Variants in HMCN2 observed in about 807,000 individuals in gnomAD.
The protein encoded by HMCN2 is hemicentin 2, also known as hemicentin-2.
A neutral mutation model predicts 377.5 loss-of-function variants in HMCN2; 325 were observed. The observed-to-expected ratio is 0.86, with a 90% CI of 0.79 to 0.94. The LOEUF (loss-of-function observed/expected upper bound fraction) is 0.94. Among genes scored for constraint, HMCN2 ranks in the 40% least tolerant of loss-of-function variants. HMCN2 has a pLI of 0.00. For missense variants in HMCN2, 4,543 were observed against 4,725.3 expected (o/e 0.96, Z 1.13); for synonymous variants, 2,007 against 2,046.8 (o/e 0.98, Z 0.53).
chr9:130,395,951 C>G lies in HMCN2; in HGVS notation c.10939C>G (p.Arg3647Gly). Residue 3647 changes from arginine to glycine, a missense_variant, in exon 72 of 98, where the codon CGG becomes GGG. Coordinates refer to ENST00000683500, the MANE Select transcript of HMCN2 (RefSeq NM_001291815.2). Reference protein sequence around the residue: ...QEDAHTQFPERGRFLQLQALS... With the variant: ...QEDAHTQFPEGGRFLQLQALS... ...GGACGCCCACACACAATTCCCGGAG[C>G]GGGGCAGGTTCCTCCAGCTGCAGGC... 1 of 1,287,470 alleles carries G rather than the reference C, an allele frequency of 7.8e-7. No homozygotes were observed. Among genetic ancestry groups the G allele is most frequent in the African/African-American group, 1.5e-5 (1 of 65,898 alleles). The allele number at this position is 1,287,470 out of a possible 1,614,324, so 79.8% of individuals were successfully genotyped here.
chr9:130,284,151 T>G (rs1554926718), intron 1 of HMCN2, among the ~76,000 whole-genome samples: 2 of 152,130 alleles, frequency 1.3e-5, no homozygotes, highest in Admixed American at 1.3e-4. Flanking sequence ...TTCTGGAAGG[T>G]TTTTCTTTTG....
rs1836763520 is a variant in HMCN2 at position 130,304,937 on chromosome 9, G to A, written c.1751G>A (p.Arg584Lys). ...ISGIIPTDGG[R>K]YQCVASNANG... ...GGCATCATCCCCACAGACGGCGGGAGGTACCAGTGTGTGGCCAGCAATGCC... is the reference window on the plus strand; with the variant it reads ...GGCATCATCCCCACAGACGGCGGGAAGTACCAGTGTGTGGCCAGCAATGCC... The change falls in exon 11 of 98, where the codon AGG becomes AAG. Residue 584 changes from arginine to lysine, a missense_variant. Physicochemically the swap from Arg to Lys is conservative, Grantham distance 26. Around this residue, in one of 5 missense-constraint regions of HMCN2, gnomAD observed 547 missense variants for 189.9 expected, o/e 2.88. Coordinates refer to ENST00000683500, the MANE Select transcript of HMCN2 (RefSeq NM_001291815.2). The surrounding 1 kb of genome is among the most constrained non-coding windows in gnomAD (Gnocchi z 4.3). The A allele has an allele frequency of 2.1e-6, 1 of 471,036 alleles. No homozygotes were observed. Among genetic ancestry groups the A allele is most frequent in the Admixed American group, 2.3e-5 (1 of 42,566 alleles). The allele number at this position is 471,036 out of a possible 1,614,324, so 29.2% of individuals were successfully genotyped here.
intron 25 of HMCN2, among the ~76,000 whole-genome samples, chr9:130,346,334 C>T (rs946235779): frequency 5.3e-5 from 8 of 152,150 alleles, no homozygotes; most frequent in East Asian, 1.9e-4. Flanking sequence ...CCTTGGGGCC[C>T]GTGAATGAAA....
intron 76 of HMCN2, 139 bp downstream of exon 76, chr9:130,399,771 A>G (rs1014207252): frequency 8.1e-6 from 4 of 492,432 alleles, no homozygotes; most frequent in Non-Finnish European, 1.2e-5. Context: ...AAGGTCTCTC[A>G]GATCCTGCTG....
chr9:130,371,335 T>C (rs956459658), intron 46 of HMCN2, among the ~76,000 whole-genome samples: 7 of 151,702 alleles, frequency 4.6e-5, no homozygotes, highest in African/African-American at 1.7e-4. Context: ...TTAGATAAAT[T>C]TGGAAAAGGC....
At chr9:130,279,336 C>G (rs1364266927) in intron 1 of HMCN2, among the ~76,000 whole-genome samples, 1 of 152,094 alleles carries the variant, frequency 6.6e-6, no homozygotes, top group Non-Finnish European at 1.5e-5. Flanking sequence ...GTCTTCAGAT[C>G]TCTTCCTCCT....
chr9:130,409,053 C>T, intron 84 of HMCN2, 120 bp downstream of exon 84: 1 of 576,504 alleles, frequency 1.7e-6, no homozygotes, highest in East Asian at 7.4e-5. Flanking sequence ...AAGCACCTCC[C>T]TGCCCATTCC....
Position 130,418,808 on chromosome 9 carries a change from C to T in HMCN2, c.12998C>T (p.Thr4333Ile), listed in dbSNP as rs1403778911. 4 of 1,500,108 alleles carry T rather than the reference C, an allele frequency of 2.7e-6. No individual in the cohort carries two copies. The highest frequency in any genetic ancestry group is 5.0e-5 in the East Asian group (2 of 40,034). The allele number at this position is 1,500,108 out of a possible 1,614,324, so 92.9% of individuals were successfully genotyped here. The change falls in exon 86 of 98, where the codon ACA (threonine) becomes ATA (isoleucine). Residue 4333 changes from threonine (T) to isoleucine (I), a missense_variant. Coordinates refer to ENST00000683500, the MANE Select transcript of HMCN2 (RefSeq NM_001291815.2). ...PVFQVEPQDM[T>I]VRSGDDVALR... ...TTCCAGGTGGAGCCCCAGGACATGA[C>T]AGTGAGATCTGGGGATGACGTGGCC... is the stretch of plus-strand genomic sequence containing the variant.
At chr9:130,300,041 A>G (rs1215193751) in intron 8 of HMCN2, among the ~76,000 whole-genome samples, 1 of 151,450 alleles carries the variant, frequency 6.6e-6, no homozygotes, top group Non-Finnish European at 1.5e-5. Flanking sequence ...CCACTCACCC[A>G]TTCATGCATC....
intron 85 of HMCN2, among the ~76,000 whole-genome samples, chr9:130,415,718 G>A (rs927265711): frequency 1.3e-5 from 2 of 152,210 alleles, no homozygotes; most frequent in Non-Finnish European, 2.9e-5. Context: ...CCCCTGCACA[G>A]GTGCATATTT....
At chr9:130,424,116 G>C (rs1224270600) in intron 87 of HMCN2, among the ~76,000 whole-genome samples, 4 of 150,586 alleles carry the variant, frequency 2.7e-5, no homozygotes. Flanking sequence ...CAGTAGCTAG[G>C]ACTATAGGTG....
chr9:130,340,213 G>T (rs1454321522), intron 23 of HMCN2, among the ~76,000 whole-genome samples: 1 of 152,264 alleles, frequency 6.6e-6, no homozygotes, highest in East Asian at 1.9e-4. Flanking sequence ...ACAGCCAGGG[G>T]GAGGGAAGGA....
chr9:130,338,128 C>G (rs910909898), intron 23 of HMCN2, 107 bp downstream of exon 23: 1 of 153,194 alleles, frequency 6.5e-6, no homozygotes, highest in African/African-American at 2.4e-5. Flanking sequence ...CTGTCAGGCT[C>G]TGTCACCTCT....
chr9:130,313,661 C>T (rs1488798437), intron 15 of HMCN2, among the ~76,000 whole-genome samples: 9 of 151,426 alleles, frequency 5.9e-5, no homozygotes, highest in Admixed American at 6.6e-5. Flanking sequence ...TGAGGTGGGG[C>T]GACTCGTCAC....
At chr9:130,429,052 A>C in intron 93 of HMCN2, 1 of 179,882 alleles carries the variant, frequency 5.6e-6, no homozygotes, top group South Asian at 1.2e-4. Flanking sequence ...AGCCTGACCC[A>C]AGGGGATCAG....
intron 2 of HMCN2, among the ~76,000 whole-genome samples, chr9:130,284,893 A>T (rs1057069407): frequency 1.3e-5 from 2 of 152,148 alleles, no homozygotes; most frequent in East Asian, 3.8e-4. Flanking sequence ...TTATTGGTGT[A>T]GTGACTGCCC....
rs751832364 is a variant in HMCN2 at position 130,398,573 on chromosome 9, C to G, written c.11349C>G (p.Ser3783Arg). Residue 3783 changes from serine to arginine, a missense_variant, in exon 75 of 98, where the codon AGC becomes AGG. By Grantham distance (110) the Ser-to-Arg change is moderately radical. This residue lies in a region of HMCN2 where 1,073 missense variants were observed against 1,319.5 expected (regional missense o/e 0.81). Coordinates refer to ENST00000683500, the MANE Select transcript of HMCN2 (RefSeq NM_001291815.2). ...RVLEPPAIAP[S>R]PSNLTLTAHT... ...CAGAGCCTCCAGCCATCGCCCCCAG[C>G]CCCTCCAACCTGACCCTGACCGCCC... is the stretch of plus-strand genomic sequence containing the variant. The G allele has an allele frequency of 7.9e-7, 1 of 1,263,538 alleles. No homozygotes were observed. The highest frequency in any genetic ancestry group is 5.7e-5 in the East Asian group (1 of 17,536). 78.3% of individuals were successfully genotyped at this position (1,263,538 alleles called of 1,614,324 possible).
chr9:130,405,062 G>A lies in HMCN2; in HGVS notation c.12339+3G>A. On this transcript the variant is annotated splice_donor_region_variant and intron_variant, in intron 81 of 97. Coordinates refer to ENST00000683500, the MANE Select transcript of HMCN2 (RefSeq NM_001291815.2). The stretch of plus-strand genomic sequence containing the variant: ...AGTTGCTGGTGAAGAACTTGGAGGT[G>A]AGGCACTGCCCCAAGGGGCACAGCA... 1 of 1,282,740 alleles carries A rather than the reference G, an allele frequency of 7.8e-7. No individual in the cohort carries two copies. Among genetic ancestry groups the A allele is most frequent in the Non-Finnish European group, 1.0e-6 (1 of 985,626 alleles). The allele number at this position is 1,282,740 out of a possible 1,614,324, so 79.5% of individuals were successfully genotyped here.
chr9:130,427,328 GCT>G lies in HMCN2; in HGVS notation c.13896_13897del (p.Cys4633ProfsTer5). 1 of 1,550,548 alleles carries G rather than the reference GCT, an allele frequency of 6.4e-7. No homozygotes were observed. On this transcript the variant is annotated frameshift_variant, in exon 91 of 98. Coordinates refer to ENST00000683500, the MANE Select transcript of HMCN2 (RefSeq NM_001291815.2). LOFTEE classifies it high-confidence loss of function. ...TGCTTTGCAGAGGAGAACGAGGTCG[GCT>G]GCCCCGAGGGCTTTGAGCTGGACTC...
Sources: allele counts gnomAD v4.1 joint callset (sites outside exome capture counted in the v4.1 genomes callset), GRCh38; gene constraint gnomAD v4.1.1; regional missense constraint gnomAD v4.1.1; non-coding constraint Gnocchi (gnomAD v3.1); transcripts MANE v1.5; gene names NCBI Gene and HGNC (gene_info 2026-07-23, HGNC 2026-07-21).